Variants in FHIT observed in about 807,000 individuals in gnomAD.
FHIT encodes the protein fragile histidine triad diadenosine triphosphatase.
Under a neutral mutation model 17.9 loss-of-function variants are expected in FHIT, and 19 were observed. The ratio of observed to expected loss-of-function variants is 1.06; its 90% CI spans 0.74 to 1.56. The LOEUF is 1.56. Ranked by LOEUF, FHIT falls within the 40% of genes most tolerant of loss-of-function variation. The probability of loss-of-function intolerance (pLI) is 0.00; values close to 1 mark genes in which losing one functional copy is unlikely to be tolerated. For synonymous variants in FHIT, 81 were observed against 69.7 expected (o/e 1.16, Z -0.81); for missense variants, 248 against 189.2 (o/e 1.31, Z -1.82).
intron 7 of FHIT, among the ~76,000 whole-genome samples, chr3:59,999,293 GAGAAT>G (rs1699636850): frequency 6.6e-6 from 1 of 152,104 alleles, no homozygotes; most frequent in Non-Finnish European, 1.5e-5. Context: ...AAAGAAAGGA[GAGAAT>G]AGACTAACAG....
At position 60,682,081 on chromosome 3, in the gene FHIT, C is replaced by A. The variant is rs145664752; in HGVS notation, c.-18+139838G>T. On this transcript the variant is annotated intron_variant, in intron 4 of 9. Coordinates refer to ENST00000492590, the MANE Select transcript of FHIT (RefSeq NM_002012.4). ...CTGCCTCCCGGGTTCAAGCAATTCT[C>A]CTGCCTCAGCCTCCCAAGTACCTGG... Among the ~76,000 whole-genome samples, 26 of 151,978 alleles carry A rather than the reference C, an allele frequency of 1.7e-4. No homozygotes were observed. In the East Asian group the frequency reaches 4.1e-3, roughly 24 times the overall value.
intron 2 of FHIT, among the ~76,000 whole-genome samples, chr3:61,179,676 CCA>C (rs1353072873): frequency 7.3e-6 from 1 of 137,170 alleles, no homozygotes; most frequent in Non-Finnish European, 1.5e-5. Flanking sequence ...CCACTGCACT[CCA>C]GTCTGGGTGA....
chr3:59,935,306 T>C (rs1301355469), intron 7 of FHIT, among the ~76,000 whole-genome samples: 1 of 152,170 alleles, frequency 6.6e-6, no homozygotes, highest in African/African-American at 2.4e-5. Flanking sequence ...GAGTTTATAG[T>C]ACATGTGCTT....
In FHIT at chr3:60,782,233, G is replaced by GTATATATATATATATATATATATA. The variant is rs775581148; in HGVS notation, c.-18+39685_-18+39686insTATATATATATATATATATATATA. ...AGAATATTTCATTGTGTGTGTGTGT[G>GTATATATATATATATATATATATA]TGTGTATATATATATATATATCACA... On this transcript the variant is annotated intron_variant, in intron 4 of 9. Coordinates refer to ENST00000492590, the MANE Select transcript of FHIT (RefSeq NM_002012.4). Among the ~76,000 whole-genome samples, 681 of 132,300 alleles carry GTATATATATATATATATATATATA rather than the reference G, an allele frequency of 5.1e-3. 4 individuals carry two copies. Among genetic ancestry groups the GTATATATATATATATATATATATA allele is most frequent in the African/African-American group, 8.5e-3 (271 of 31,744 alleles). 86.8% of individuals were successfully genotyped at this position (132,300 alleles called of 152,430 possible).
chr3:60,028,544 A>C (rs1280811800), intron 5 of FHIT, among the ~76,000 whole-genome samples: 1 of 152,236 alleles, frequency 6.6e-6, no homozygotes, highest in East Asian at 1.9e-4. Flanking sequence ...CTGATCTTCC[A>C]GTGATGAACC....
Position 60,043,673 on chromosome 3 carries a change from C to CAGAT in FHIT, c.104-29525_104-29522dup, listed in dbSNP as rs56288645. On this transcript the variant is annotated intron_variant, in intron 5 of 9. Transcript: ENST00000492590. The stretch of plus-strand genomic sequence containing the variant: ...ATATTCTGTGCATGTTATAGATAGA[C>CAGAT]AGATAGATAGATAGATAAAATATCT... Among the ~76,000 whole-genome samples the CAGAT allele has an allele frequency of 1.3e-3, 162 of 123,682 alleles. 1 individual carries two copies. Among genetic ancestry groups the CAGAT allele is most frequent in the South Asian group, 4.9e-3 (19 of 3,868 alleles). 81.1% of individuals were successfully genotyped at this position (123,682 alleles called of 152,430 possible). A position where few individuals can be genotyped will look rare whatever the true frequency, so the allele number is the denominator to read the frequency against.
chr3:59,961,552 T>C (rs1483717803), intron 7 of FHIT, among the ~76,000 whole-genome samples: 2 of 152,164 alleles, frequency 1.3e-5, no homozygotes, highest in Admixed American at 1.3e-4. Context: ...TAGGCATCTG[T>C]GGGGAATCTC....
At chr3:61,231,433 G>A (rs1560098221) in intron 1 of FHIT, among the ~76,000 whole-genome samples, 1 of 151,806 alleles carries the variant, frequency 6.6e-6, no homozygotes, top group Non-Finnish European at 1.5e-5. Context: ...GTTCAAGGTG[G>A]AGCCATGATC....
At chr3:60,889,418 C>T (rs573932276) in intron 3 of FHIT, among the ~76,000 whole-genome samples, 9 of 152,272 alleles carry the variant, frequency 5.9e-5, no homozygotes, top group Non-Finnish European at 4.4e-5. Flanking sequence ...TATTCGATGC[C>T]GTTTCTTTTG....
chr3:61,165,963 A>G (rs773603993), intron 2 of FHIT: 2 of 152,260 alleles, frequency 1.3e-5, no homozygotes, highest in Non-Finnish European at 2.9e-5. Context: ...CATCACCATT[A>G]CCATCACCTT....
chr3:59,807,155 T>C (rs189448538), intron 8 of FHIT, among the ~76,000 whole-genome samples: 43 of 152,296 alleles, frequency 2.8e-4, no homozygotes, highest in African/African-American at 1.0e-3. Context: ...GGTTAGATAA[T>C]GCAATGAAGA....
rs12629959 is a variant in FHIT at position 60,596,512 on chromosome 3, A to C, written c.-17-59533T>G. Among the ~76,000 whole-genome samples, 49 of 152,208 alleles carry C rather than the reference A, an allele frequency of 3.2e-4. 1 individual carries two copies. The East Asian group carries it at 8.1e-3, about 25-fold the overall frequency. ...ATCTCCAAAATCCTTTCCAATTGCTATCTCCTTCTGGATCTCCAAAACAGA... is the reference window on the plus strand; with the variant it reads ...ATCTCCAAAATCCTTTCCAATTGCTCTCTCCTTCTGGATCTCCAAAACAGA... On this transcript the variant is annotated intron_variant, in intron 4 of 9. Transcript: ENST00000492590.
At chr3:60,763,946 T>C (rs1434786418) in intron 4 of FHIT, among the ~76,000 whole-genome samples, 2 of 152,154 alleles carry the variant, frequency 1.3e-5, no homozygotes, top group African/African-American at 4.8e-5. Flanking sequence ...TGCCCATACA[T>C]CCATGGTCTC....
chr3:60,186,992 G>A (rs186802597), intron 5 of FHIT, among the ~76,000 whole-genome samples: 37 of 152,150 alleles, frequency 2.4e-4, no homozygotes, highest in Admixed American at 1.8e-3. Context: ...GTTCATGCCC[G>A]TAGAGTGTTG....
At chr3:60,595,913 C>T (rs1281635551) in intron 4 of FHIT, among the ~76,000 whole-genome samples, 1 of 152,000 alleles carries the variant, frequency 6.6e-6, no homozygotes, top group Non-Finnish European at 1.5e-5. Flanking sequence ...GTGTGAGCCA[C>T]CATGCCTGGT....
chr3:60,218,537 T>C (rs1178272558), intron 5 of FHIT, among the ~76,000 whole-genome samples: 1 of 152,148 alleles, frequency 6.6e-6, no homozygotes, highest in Non-Finnish European at 1.5e-5. Context: ...AACAAACACA[T>C]ATGGCCTTTA....
intron 4 of FHIT, among the ~76,000 whole-genome samples, chr3:60,778,110 TG>T (rs1402439462): frequency 6.6e-6 from 1 of 152,238 alleles, no homozygotes; most frequent in African/African-American, 2.4e-5. Context: ...AGGTTATAGC[TG>T]GGTGAATAAT....
At chr3:61,249,885 A>G (rs1056670523) in intron 1 of FHIT, among the ~76,000 whole-genome samples, 2 of 151,530 alleles carry the variant, frequency 1.3e-5, no homozygotes, top group African/African-American at 4.8e-5. Flanking sequence ...AACACCGTAT[A>G]CAACAATCCC....
chr3:59,983,890 A>G (rs1708767360), intron 7 of FHIT, among the ~76,000 whole-genome samples: 1 of 152,142 alleles, frequency 6.6e-6, no homozygotes, highest in Non-Finnish European at 1.5e-5. Flanking sequence ...TAATTAATCC[A>G]GTCATGAGGG....
Sources: gnomAD v4.1 joint callset for allele counts (sites outside exome capture counted in the v4.1 genomes callset) on GRCh38, gnomAD v4.1.1 for gene constraint, MANE v1.5 for transcripts, NCBI Gene and HGNC (gene_info 2026-07-23, HGNC 2026-07-21) for gene names.